ZNF407: variants seen among roughly 807,000 people sequenced by gnomAD.
The protein encoded by ZNF407 is zinc finger protein 407.
A neutral mutation model predicts 131.2 loss-of-function variants in ZNF407; 17 were observed. The ratio of observed to expected loss-of-function variants is 0.13; its 90% CI spans 0.09 to 0.19. ZNF407 has a LOEUF of 0.19. Among genes scored for constraint, ZNF407 ranks in the 10% least tolerant of loss-of-function variants. The probability of loss-of-function intolerance (pLI) is 1.00; values close to 1 mark genes in which losing one functional copy is unlikely to be tolerated. For synonymous variants in ZNF407, 1,156 were observed against 1,062.0 expected (o/e 1.09, Z -1.72); for missense variants, 2,681 against 2,830.6 (o/e 0.95, Z 1.20).
intron 8 of ZNF407, among the ~76,000 whole-genome samples, chr18:75,054,937 T>C (rs1973544536): frequency 6.6e-6 from 1 of 152,216 alleles, no homozygotes; most frequent in Non-Finnish European, 1.5e-5. Context: ...TCTCAGCCAT[T>C]GTCACTAATG....
intron 1 of ZNF407, chr18:74,598,610 G>A (rs970007776): frequency 2.0e-5 from 3 of 152,334 alleles, no homozygotes; most frequent in African/African-American, 7.2e-5. Flanking sequence ...GGCGGGCGGA[G>A]GGCACACAAG....
In ZNF407 at chr18:75,048,117, C is replaced by CA. The variant is rs1169701190; in HGVS notation, c.5429-15032dup. ...TGCTCAAGAGGAAAATGACCAGAAT[C>CA]ATAGACTCAGATCCTAATGCAGCTG... On this transcript the variant is annotated intron_variant, in intron 8 of 8. Transcript: ENST00000299687. This position sits in a 1 kb window ranked among gnomAD's most constrained non-coding sequence, Gnocchi z 4.1. 6.6e-6 allele frequency among the ~76,000 whole-genome samples: 1 copy of CA among 152,202 alleles called. No individual in the cohort carries two copies. The highest frequency in any genetic ancestry group is 2.4e-5 in the African/African-American group (1 of 41,448).
chr18:74,759,163 C>T (rs1188184868), intron 3 of ZNF407, among the ~76,000 whole-genome samples: 1 of 151,782 alleles, frequency 6.6e-6, no homozygotes, highest in Non-Finnish European at 1.5e-5. Context: ...ATATGTCATC[C>T]CCCTGCCTTC....
chr18:74,698,358 A>G (rs182302960), intron 3 of ZNF407, among the ~76,000 whole-genome samples: 77 of 152,346 alleles, frequency 5.1e-4, no homozygotes, highest in East Asian at 4.2e-3. Context: ...TATAACCAGC[A>G]TAGCTGAGTT....
At chr18:74,693,007 T>C (rs776738395) in intron 3 of ZNF407, among the ~76,000 whole-genome samples, 8 of 152,224 alleles carry the variant, frequency 5.3e-5, no homozygotes, top group Non-Finnish European at 1.0e-4. Flanking sequence ...TCTGTGCCAG[T>C]AGAGGTCTGG....
chr18:74,831,069 G>A (rs899052036), intron 4 of ZNF407, among the ~76,000 whole-genome samples: 5 of 152,150 alleles, frequency 3.3e-5, no homozygotes, highest in Admixed American at 2.0e-4. Flanking sequence ...ATGTCCTCCA[G>A]TTCCATCTAT....
At chr18:75,031,399 G>A (rs1026186093) in intron 8 of ZNF407, among the ~76,000 whole-genome samples, 2 of 152,052 alleles carry the variant, frequency 1.3e-5, no homozygotes, top group Admixed American at 6.5e-5. Context: ...CCTTTTACCC[G>A]TGAAAGAGAA....
chr18:74,865,490 A>G (rs866288632), intron 4 of ZNF407, among the ~76,000 whole-genome samples: 4 of 152,144 alleles, frequency 2.6e-5, no homozygotes, highest in African/African-American at 7.2e-5. Flanking sequence ...ATATAAATAT[A>G]TTTTATCACC....
chr18:74,886,141 A>G (rs1343246292), intron 6 of ZNF407, among the ~76,000 whole-genome samples: 1 of 152,222 alleles, frequency 6.6e-6, no homozygotes, highest in Non-Finnish European at 1.5e-5. Flanking sequence ...CAACCTTTTA[A>G]AAATGAGTCA....
chr18:75,002,522 G>T (rs1972857546), intron 8 of ZNF407, among the ~76,000 whole-genome samples: 1 of 152,182 alleles, frequency 6.6e-6, no homozygotes, highest in African/African-American at 2.4e-5. Flanking sequence ...AGAGGTCAGG[G>T]CCGGGCGCGG....
At chr18:74,884,593 G>T (rs1042777926) in intron 6 of ZNF407, among the ~76,000 whole-genome samples, 1 of 152,014 alleles carries the variant, frequency 6.6e-6, no homozygotes, top group African/African-American at 2.4e-5. Context: ...ATTACACAAT[G>T]TAATCTATTG....
intron 1 of ZNF407, among the ~76,000 whole-genome samples, chr18:74,606,333 A>G (rs1040733823): frequency 6.6e-6 from 1 of 152,238 alleles, no homozygotes; most frequent in African/African-American, 2.4e-5. Flanking sequence ...TTTTAGAACT[A>G]TTATGAAGAA....
chr18:74,864,397 GC>G (rs1199407034), intron 4 of ZNF407, among the ~76,000 whole-genome samples: 5 of 152,128 alleles, frequency 3.3e-5, no homozygotes, highest in African/African-American at 1.2e-4. Context: ...AAACAAGTAA[GC>G]TGCCACTGTC....
In ZNF407 at chr18:74,633,380, A is replaced by G. The variant is rs1286676388; in HGVS notation, c.2361A>G (p.Glu787=). 1 of 1,614,022 alleles carries G rather than the reference A, an allele frequency of 6.2e-7. No homozygotes were observed. The highest frequency in any genetic ancestry group is 1.7e-5 in the Admixed American group (1 of 60,030). The stretch of plus-strand genomic sequence containing the variant: ...GTATAGGTGCAAATGATAAAAAAGA[A>G]GAGTTTGATGTTTCCGGAAATGGAA... ...RVCIGANDKK[E]EFDVSGNGRI... Residue 787 remains glutamate (E), a synonymous_variant, in exon 2 of 9, where the codon GAA becomes GAG. Coordinates refer to ENST00000299687, the MANE Select transcript of ZNF407 (RefSeq NM_017757.3).
intron 8 of ZNF407, among the ~76,000 whole-genome samples, chr18:75,020,066 C>A (rs1973089251): frequency 6.6e-6 from 1 of 152,158 alleles, no homozygotes; most frequent in African/African-American, 2.4e-5. Flanking sequence ...AACAGTGTCA[C>A]AGTGCTTGTG....
chr18:74,910,056 G>A (rs1428417363), intron 7 of ZNF407, among the ~76,000 whole-genome samples: 1 of 152,194 alleles, frequency 6.6e-6, no homozygotes, highest in Non-Finnish European at 1.5e-5. Flanking sequence ...CTGCCGTAGT[G>A]TTACATGATT....
At chr18:74,716,143 C>A (rs1043129113) in intron 3 of ZNF407, among the ~76,000 whole-genome samples, 3 of 152,172 alleles carry the variant, frequency 2.0e-5, no homozygotes, top group Non-Finnish European at 4.4e-5. Context: ...GCCCTTTTGG[C>A]AGGTTTTTAA....
intron 3 of ZNF407, among the ~76,000 whole-genome samples, chr18:74,750,359 T>C (rs1168296084): frequency 6.6e-6 from 1 of 152,226 alleles, no homozygotes; most frequent in Non-Finnish European, 1.5e-5. Flanking sequence ...AGTATGTTCT[T>C]TTTCAGCTGA....
intron 3 of ZNF407, among the ~76,000 whole-genome samples, chr18:74,719,438 C>T (rs746467585): frequency 7.2e-5 from 11 of 152,298 alleles, no homozygotes; most frequent in Middle Eastern, 3.4e-3. Context: ...CTTGCTCTGT[C>T]GCCCAGGCTG....
Sources: gnomAD v4.1 joint callset for allele counts (sites outside exome capture counted in the v4.1 genomes callset) on GRCh38, gnomAD v4.1.1 for gene constraint, Gnocchi (gnomAD v3.1) non-coding constraint, MANE v1.5 for transcripts, NCBI Gene and HGNC (gene_info 2026-07-23, HGNC 2026-07-21) for gene names.